Variants in CSTF3 observed in about 807,000 individuals in gnomAD.
The protein encoded by CSTF3 is CF-1 77 kDa subunit.
A neutral mutation model predicts 105.8 loss-of-function variants in CSTF3; 29 were observed. That is an observed-to-expected ratio of 0.27 (90% CI 0.20 to 0.37). The LOEUF (loss-of-function observed/expected upper bound fraction) is 0.37. CSTF3 is among the 10% of genes least tolerant of loss of function. CSTF3 has a pLI of 1.00. For synonymous variants in CSTF3, 252 were observed against 281.9 expected (o/e 0.89, Z 1.06); for missense variants, 357 against 879.3 (o/e 0.41, Z 7.51).
At chr11:33,134,232 A>G (rs916057425) in intron 3 of CSTF3, among the ~76,000 whole-genome samples, 2 of 152,230 alleles carry the variant, frequency 1.3e-5, no homozygotes, top group Non-Finnish European at 2.9e-5. Context: ...AATTGCTTAA[A>G]TAACTGTCAG....
chr11:33,142,769 T>G (rs1414619747), intron 1 of CSTF3, among the ~76,000 whole-genome samples: 3 of 152,216 alleles, frequency 2.0e-5, no homozygotes, highest in African/African-American at 7.2e-5. Flanking sequence ...AATTCAGTAA[T>G]AAGAATGTCG....
At chr11:33,110,135 G>T (rs1167207113) in intron 3 of CSTF3, among the ~76,000 whole-genome samples, 1 of 152,106 alleles carries the variant, frequency 6.6e-6, no homozygotes, top group African/African-American at 2.4e-5. Flanking sequence ...ATTCCTTTCT[G>T]GTTGGTGGAT....
At chr11:33,155,487 T>C (rs972829592) in intron 1 of CSTF3, among the ~76,000 whole-genome samples, 3 of 151,764 alleles carry the variant, frequency 2.0e-5, no homozygotes, top group African/African-American at 4.8e-5. Flanking sequence ...AGGAAACAAA[T>C]AGCTACAAAA....
intron 3 of CSTF3, among the ~76,000 whole-genome samples, chr11:33,109,050 C>A (rs1361309197): frequency 1.3e-5 from 2 of 152,108 alleles, no homozygotes; most frequent in Non-Finnish European, 2.9e-5. Flanking sequence ...AAGACTTAGA[C>A]TTGGGGAATT....
rs369844451 is a variant in CSTF3 at position 33,099,739 on chromosome 11, C to T, written c.827-22G>A. The T allele has an allele frequency of 3.7e-5, 51 of 1,375,134 alleles. No individual in the cohort carries two copies. The highest frequency in any genetic ancestry group is 2.6e-5 in the South Asian group (2 of 76,726). The allele number at this position is 1,375,134 out of a possible 1,614,324, so 85.2% of individuals were successfully genotyped here. A position where few individuals can be genotyped will look rare whatever the true frequency, so the allele number is the denominator to read the frequency against. On this transcript the variant is annotated intron_variant, in intron 10 of 20. Transcript: ENST00000323959. The surrounding 1 kb of genome is among the most constrained non-coding windows in gnomAD (Gnocchi z 4.1). ...ATAACTAAGGGAAGAAATTAACAAA[C>T]AATATTCAATTAAAATAATTATTAT...
chr11:33,085,012 G>A lies in CSTF3; in HGVS notation c.*75C>T, dbSNP rs780334083. 5.9e-5 allele frequency: 87 copies of A among 1,480,806 alleles called. No homozygotes were observed. Among genetic ancestry groups the A allele is most frequent in the Non-Finnish European group, 7.3e-5 (77 of 1,061,988 alleles). The allele number at this position is 1,480,806 out of a possible 1,614,324, so 91.7% of individuals were successfully genotyped here. On this transcript the variant is annotated 3_prime_UTR_variant, in exon 21 of 21. Transcript: ENST00000323959. ...GTTTCCAAGAACCTTGTAACAAAGC[G>A]TTGTCTCTTTTAAACATACCACTTG...
chr11:33,155,387 A>T (rs113377062), intron 1 of CSTF3, among the ~76,000 whole-genome samples: 11 of 13,584 alleles, frequency 8.1e-4, no homozygotes, highest in South Asian at 8.1e-3. Flanking sequence ...TAAAAAAATT[A>T]AAAAAAAAAA....
At chr11:33,160,691 CA>C (rs1849929050) in intron 1 of CSTF3, among the ~76,000 whole-genome samples, 1 of 151,998 alleles carries the variant, frequency 6.6e-6, no homozygotes, top group Admixed American at 6.6e-5. Flanking sequence ...TTACAGTGGC[CA>C]AAACAGACTT....
chr11:33,123,198 C>G (rs1486448694), intron 3 of CSTF3, among the ~76,000 whole-genome samples: 1 of 146,862 alleles, frequency 6.8e-6, no homozygotes, highest in South Asian at 2.1e-4. Flanking sequence ...AAAAAAAAAA[C>G]AAAAAAATGG....
intron 8 of CSTF3, 37 bp downstream of exon 8, chr11:33,105,530 T>C (rs747345845): frequency 7.1e-6 from 11 of 1,558,204 alleles, no homozygotes; most frequent in South Asian, 2.4e-5. Flanking sequence ...TTAAAATGGC[T>C]TGGTTTATAA....
chr11:33,136,288 C>T (rs429512), intron 3 of CSTF3: 84,416 of 151,778 alleles, frequency 0.56, 26,068 homozygotes, highest in Non-Finnish European at 0.69. Context: ...TATTTGTTTT[C>T]TGCTACCAAG....
intron 1 of CSTF3, among the ~76,000 whole-genome samples, chr11:33,144,432 T>A (rs1316009135): frequency 6.6e-6 from 1 of 152,186 alleles, no homozygotes; most frequent in Non-Finnish European, 1.5e-5. Context: ...TCTTCCCATA[T>A]ATGAAACTAC....
In CSTF3 at chr11:33,149,373, G is replaced by T. The variant is rs980215929; in HGVS notation, c.28-7387C>A. On this transcript the variant is annotated intron_variant, in intron 1 of 20. Coordinates refer to ENST00000323959, the MANE Select transcript of CSTF3 (RefSeq NM_001326.3). ...AGAATGCTCAAGAGCATATCCTGCT[G>T]GTTATGGTCACATTTAATTCTCACA... 2.4e-4 allele frequency among the ~76,000 whole-genome samples: 37 copies of T among 152,202 alleles called. 1 individual carries two copies. Among genetic ancestry groups the T allele is most frequent in the African/African-American group, 8.7e-4 (36 of 41,454 alleles).
At chr11:33,130,118 T>C (rs1007990322) in intron 3 of CSTF3, among the ~76,000 whole-genome samples, 1 of 152,230 alleles carries the variant, frequency 6.6e-6, no homozygotes, top group Non-Finnish European at 1.5e-5. Flanking sequence ...GAGCTAGATA[T>C]TGTGCCCCTC....
At position 33,102,183 on chromosome 11, in the gene CSTF3, T is replaced by A; in HGVS notation, c.820A>T (p.Lys274Ter). The A allele has an allele frequency of 1.2e-6, 2 of 1,613,480 alleles. No individual in the cohort carries two copies. The highest frequency in any genetic ancestry group is 1.7e-6 in the Non-Finnish European group (2 of 1,179,722). Residue 274 changes from lysine (K) to a stop codon, truncating the protein, a stop_gained, in exon 10 of 21, where the codon AAA (lysine) becomes TAA (stop). Transcript: ENST00000323959. LOFTEE classifies it high-confidence loss of function. Reference protein sequence around the residue: ...LRTEDQTLITKRVMFAYEQCL... With the variant: ...LRTEDQTLIT ...TGAGGGTTAATCATGTTACCTCTTT[T>A]TGTTATAAGGGTCTGATCCTCTGTA...
At chr11:33,155,876 C>A (rs1303565043) in intron 1 of CSTF3, among the ~76,000 whole-genome samples, 1 of 151,950 alleles carries the variant, frequency 6.6e-6, no homozygotes, top group African/African-American at 2.4e-5. Flanking sequence ...AAAAAAAAAG[C>A]TTAAAATCAT....
At chr11:33,158,043 A>C (rs971074053) in intron 1 of CSTF3, among the ~76,000 whole-genome samples, 4 of 152,190 alleles carry the variant, frequency 2.6e-5, no homozygotes, top group Non-Finnish European at 5.9e-5. Flanking sequence ...GTTGAAGCTG[A>C]ATACAGTATC....
Position 33,161,364 on chromosome 11 carries a change from G to A in CSTF3, c.-39C>T, listed in dbSNP as rs2133814840. ...TACAACGTGCGCACTGACCGTCGATGGGAAGCTAGAAAAGAAAAATTAAAC... is the reference window on the plus strand; with the variant it reads ...TACAACGTGCGCACTGACCGTCGATAGGAAGCTAGAAAAGAAAAATTAAAC... On this transcript the variant is annotated 5_prime_UTR_variant, in exon 1 of 21. Coordinates refer to ENST00000323959, the MANE Select transcript of CSTF3 (RefSeq NM_001326.3). 6.2e-7 allele frequency: 1 copy of A among 1,609,732 alleles called. No homozygotes were observed. Among genetic ancestry groups the A allele is most frequent in the Non-Finnish European group, 8.5e-7 (1 of 1,179,350 alleles).
intron 3 of CSTF3, among the ~76,000 whole-genome samples, chr11:33,131,593 T>C (rs1855599418): frequency 6.6e-6 from 1 of 151,972 alleles, no homozygotes; most frequent in Admixed American, 6.6e-5. Flanking sequence ...ACGCCTGTAA[T>C]CCCCGCACTT....
Sources: gnomAD v4.1 joint callset for allele counts (sites outside exome capture counted in the v4.1 genomes callset) on GRCh38, gnomAD v4.1.1 for gene constraint, Gnocchi (gnomAD v3.1) non-coding constraint, MANE v1.5 for transcripts, NCBI Gene and HGNC (gene_info 2026-07-23, HGNC 2026-07-21) for gene names.